The following MLLT10 variants were observed in gnomAD, a reference collection of about 807,000 sequenced individuals.
The protein encoded by MLLT10 is MLLT10 histone lysine methyltransferase DOT1L cofactor.
A neutral mutation model predicts 129.1 loss-of-function variants in MLLT10; 30 were observed. The observed-to-expected ratio is 0.23, with a 90% confidence interval of 0.17 to 0.32. The LOEUF (loss-of-function observed/expected upper bound fraction) is 0.32. Ranked by LOEUF, MLLT10 falls within the 10% of genes least tolerant of loss-of-function variation. MLLT10 has a pLI of 1.00. For missense variants in MLLT10, 1,119 were observed against 1,268.3 expected, an observed-to-expected ratio of 0.88 and a Z score of 1.79; for synonymous variants, 490 against 446.4, an observed-to-expected ratio of 1.10 and a Z score of -1.23.
chr10:21,685,524 AG>A (rs1458876887), intron 13 of MLLT10, among the ~76,000 whole-genome samples: 1 of 152,034 alleles, frequency 6.6e-6, no homozygotes, highest in African/African-American at 2.4e-5. Flanking sequence ...TAGTAGAGAC[AG>A]GGTTTCACCA....
intron 14 of MLLT10, among the ~76,000 whole-genome samples, chr10:21,717,239 G>C (rs1341112130): frequency 1.1e-5 from 1 of 87,838 alleles, no homozygotes; most frequent in Non-Finnish European, 2.1e-5. Flanking sequence ...GGCAACAAGA[G>C]CGAAACTCCG....
chr10:21,729,325 TAATA>T (rs2057767885), intron 16 of MLLT10, among the ~76,000 whole-genome samples: 1 of 152,334 alleles, frequency 6.6e-6, no homozygotes, highest in Non-Finnish European at 1.5e-5. Context: ...CTATTTTGCT[TAATA>T]TAGTTTTTCC....
chr10:21,698,225 C>T (rs1054145772), intron 13 of MLLT10, among the ~76,000 whole-genome samples: 3 of 152,192 alleles, frequency 2.0e-5, no homozygotes, highest in Non-Finnish European at 4.4e-5. Flanking sequence ...CTCCTACCCT[C>T]ACACTCTTGC....
chr10:21,542,213 A>G (rs888510029), intron 3 of MLLT10, among the ~76,000 whole-genome samples: 5 of 152,052 alleles, frequency 3.3e-5, no homozygotes, highest in Admixed American at 2.0e-4. Context: ...ACGTGCTTCC[A>G]CTCTTTTATT....
At chr10:21,582,051 T>C (rs951113896) in intron 3 of MLLT10, among the ~76,000 whole-genome samples, 9 of 152,202 alleles carry the variant, frequency 5.9e-5, no homozygotes, top group African/African-American at 9.6e-5. Flanking sequence ...GTTGTTGTTA[T>C]GCAGACTGCA....
chr10:21,632,242 C>T (rs2047077039), intron 8 of MLLT10, among the ~76,000 whole-genome samples: 1 of 152,126 alleles, frequency 6.6e-6, no homozygotes, highest in South Asian at 2.1e-4. Flanking sequence ...AATGTTATGG[C>T]TAACTGAATT....
In MLLT10 at chr10:21,702,532, C is replaced by T. The variant is rs576047231; in HGVS notation, c.1700-11240C>T. On this transcript the variant is annotated intron_variant, in intron 13 of 22. Coordinates refer to ENST00000307729, the MANE Select transcript of MLLT10 (RefSeq NM_001195626.3). ...AATGTTGAGAGTGGGTTGTTGAAGT[C>T]TCTCACTATTATTGTATTGGAGTTT... Among the ~76,000 whole-genome samples the T allele has an allele frequency of 8.5e-5, 13 of 152,246 alleles. 1 individual carries two copies. Among genetic ancestry groups the T allele is most frequent in the African/African-American group, 2.6e-4 (11 of 41,562 alleles).
At chr10:21,638,334 T>C (rs2047656208) in intron 8 of MLLT10, among the ~76,000 whole-genome samples, 3 of 152,104 alleles carry the variant, frequency 2.0e-5, no homozygotes. Context: ...CATAATTTGC[T>C]GACTTCTGAT....
chr10:21,734,107 A>G lies in MLLT10; in HGVS notation c.2836A>G (p.Met946Val), dbSNP rs776793609. The G allele has an allele frequency of 9.3e-6, 15 of 1,611,012 alleles. No individual in the cohort carries two copies. Among genetic ancestry groups the G allele is most frequent in the Admixed American group, 1.7e-5 (1 of 59,824 alleles). Residue 946 changes from methionine to valine, a missense_variant, in exon 20 of 23, where the codon ATG (methionine) becomes GTG (valine). Physicochemically the swap from Met to Val is conservative, Grantham distance 21. Coordinates refer to ENST00000307729, the MANE Select transcript of MLLT10 (RefSeq NM_001195626.3). ...TTVPPNATHP[M>V]PATLTNSASG... is the part of the protein sequence containing the mutation. ...CGTACCACCTAATGCAACACATCCA[A>G]TGCCAGCTACACTGACTAACAGGTA...
intron 8 of MLLT10, among the ~76,000 whole-genome samples, chr10:21,638,264 AG>A (rs1435374996): frequency 1.5e-5 from 1 of 66,090 alleles, no homozygotes; most frequent in African/African-American, 6.3e-5. Flanking sequence ...TGGTGGGGGG[AG>A]GGGGGCGGGG....
At chr10:21,651,847 T>C in intron 9 of MLLT10, 79 bp downstream of exon 9, 7 of 822,288 alleles carry the variant, frequency 8.5e-6, no homozygotes, top group Non-Finnish European at 7.6e-6. Context: ...ACTGTTTTCA[T>C]TCCCTAACTT....
chr10:21,625,053 G>T, intron 8 of MLLT10: 2 of 871,052 alleles, frequency 2.3e-6, no homozygotes, highest in Non-Finnish European at 3.7e-6. Flanking sequence ...CTTGATAGAT[G>T]TGGTAATCAT....
chr10:21,606,431 C>T (rs984980495), intron 5 of MLLT10, among the ~76,000 whole-genome samples: 7 of 152,086 alleles, frequency 4.6e-5, no homozygotes, highest in Non-Finnish European at 7.4e-5. Context: ...AGGATGATTC[C>T]TCTGATGGAT....
chr10:21,612,344 C>A lies in MLLT10; in HGVS notation c.406-4C>A. ...TTTTTGTCTTTTTTTTTTTTAACCC[C>A]AAGACTTGCTACATTTGTGATGAAC... On this transcript the variant is annotated splice_polypyrimidine_tract_variant and splice_region_variant and intron_variant, in intron 5 of 22. Transcript: ENST00000307729. The A allele has an allele frequency of 6.3e-7, 1 of 1,579,730 alleles. No homozygotes were observed. Among genetic ancestry groups the A allele is most frequent in the Non-Finnish European group, 8.6e-7 (1 of 1,159,392 alleles).
At chr10:21,556,839 G>T (rs2038080655) in intron 3 of MLLT10, 1 of 1,554,056 alleles carries the variant, frequency 6.4e-7, no homozygotes, top group African/African-American at 1.4e-5. Flanking sequence ...TTTACCACTT[G>T]TCATATGTCC....
At chr10:21,631,887 A>C (rs1231029638) in intron 8 of MLLT10, among the ~76,000 whole-genome samples, 1 of 151,812 alleles carries the variant, frequency 6.6e-6, no homozygotes, top group African/African-American at 2.4e-5. Context: ...ATCCCCTTTG[A>C]AAGTTAGATA....
chr10:21,666,907 A>G (rs952892600), intron 9 of MLLT10, among the ~76,000 whole-genome samples: 5 of 152,202 alleles, frequency 3.3e-5, no homozygotes, highest in Admixed American at 1.3e-4. Flanking sequence ...TATATTTACT[A>G]TTAGCAATGA....
intron 4 of MLLT10, among the ~76,000 whole-genome samples, chr10:21,588,119 T>G (rs931054971): frequency 2.4e-4 from 36 of 152,178 alleles, no homozygotes; most frequent in African/African-American, 7.7e-4. Flanking sequence ...CAGGCTGGAG[T>G]GCAGTGGTGC....
At chr10:21,569,269 T>C (rs1321584146) in intron 3 of MLLT10, among the ~76,000 whole-genome samples, 25 of 151,208 alleles carry the variant, frequency 1.7e-4, no homozygotes, top group African/African-American at 6.2e-4. Context: ...TCATTCCTTT[T>C]TTTTGAACAT....
Sources: allele counts gnomAD v4.1 joint callset (sites outside exome capture counted in the v4.1 genomes callset), GRCh38; gene constraint gnomAD v4.1.1; transcripts MANE v1.5; gene names NCBI Gene and HGNC (gene_info 2026-07-23, HGNC 2026-07-21).